The following RIT2 variants were observed in gnomAD, a reference collection of about 807,000 sequenced individuals.
RIT2 encodes the protein Ras like without CAAX 2, also known as GTP-binding protein Rit2.
Under a neutral mutation model 23.7 loss-of-function variants are expected in RIT2, and 24 were observed. The ratio of observed to expected loss-of-function variants is 1.01; its 90% CI spans 0.73 to 1.43. The LOEUF (loss-of-function observed/expected upper bound fraction) is 1.43. Ranked by LOEUF, RIT2 falls within the 40% of genes most tolerant of loss-of-function variation. The pLI, the probability that RIT2 is intolerant of heterozygous loss-of-function variation, is 0.00. For synonymous variants in RIT2, 107 were observed against 91.1 expected, an observed-to-expected ratio of 1.17 and a Z score of -0.99; for missense variants, 236 against 266.9, an observed-to-expected ratio of 0.88 and a Z score of 0.81.
chr18:42,941,708 T>C (rs772208472), intron 3 of RIT2, among the ~76,000 whole-genome samples: 7 of 152,186 alleles, frequency 4.6e-5, no homozygotes, highest in Non-Finnish European at 8.8e-5. Flanking sequence ...TAACATGATA[T>C]ATTTAAGTAG....
At chr18:42,861,275 C>G (rs191614622) in intron 4 of RIT2, among the ~76,000 whole-genome samples, 1 of 152,274 alleles carries the variant, frequency 6.6e-6, no homozygotes, top group East Asian at 1.9e-4. Context: ...GTTTGACTAA[C>G]CTGATGGCAG....
intron 3 of RIT2, among the ~76,000 whole-genome samples, chr18:42,937,009 C>CT (rs1419057162): frequency 7.1e-6 from 1 of 140,752 alleles, no homozygotes; most frequent in Non-Finnish European, 1.5e-5. Context: ...CAAAACTCAA[C>CT]TTAAAAAAAA....
chr18:43,101,707 A>G (rs1406795461), intron 1 of RIT2, among the ~76,000 whole-genome samples: 3 of 152,210 alleles, frequency 2.0e-5, no homozygotes, highest in Non-Finnish European at 4.4e-5. Flanking sequence ...ATGGCAGACC[A>G]CTTGTATTCC....
At chr18:43,062,879 A>G (rs756160421) in intron 1 of RIT2, among the ~76,000 whole-genome samples, 6 of 152,182 alleles carry the variant, frequency 3.9e-5, no homozygotes, top group Non-Finnish European at 8.8e-5. Flanking sequence ...TTCTAACAGA[A>G]ATATGATATG....
chr18:42,795,637 G>A (rs1905326763), intron 4 of RIT2, among the ~76,000 whole-genome samples: 2 of 152,264 alleles, frequency 1.3e-5, no homozygotes. Flanking sequence ...GGACTGGCAG[G>A]CAGCTCCACC....
chr18:43,059,306 T>C (rs1276636599), intron 1 of RIT2, among the ~76,000 whole-genome samples: 1 of 152,130 alleles, frequency 6.6e-6, no homozygotes, highest in Non-Finnish European at 1.5e-5. Flanking sequence ...TTTCAGAAAC[T>C]TTAAATAATT....
chr18:42,877,520 C>CTA (rs144405918), intron 4 of RIT2, among the ~76,000 whole-genome samples: 13,117 of 143,654 alleles, frequency 0.091, 636 homozygotes, highest in African/African-American at 0.12. Context: ...TTTGTATACA[C>CTA]TATATATATA....
At chr18:42,998,396 T>C (rs1332322530) in intron 2 of RIT2, among the ~76,000 whole-genome samples, 1 of 152,146 alleles carries the variant, frequency 6.6e-6, no homozygotes, top group Admixed American at 6.5e-5. Flanking sequence ...TAGTTTTGGC[T>C]ATTCTGTTTG....
intron 4 of RIT2, among the ~76,000 whole-genome samples, chr18:42,821,737 G>T (rs1381661229): frequency 6.6e-6 from 1 of 152,118 alleles, no homozygotes; most frequent in Non-Finnish European, 1.5e-5. Context: ...GTCAGGGAAG[G>T]TTCATGCATT....
intron 1 of RIT2, among the ~76,000 whole-genome samples, chr18:43,042,601 C>A (rs575459862): frequency 1.3e-5 from 2 of 152,332 alleles, no homozygotes; most frequent in South Asian, 2.1e-4. Flanking sequence ...TAAATCAAAA[C>A]CCATTCCTCC....
intron 1 of RIT2, among the ~76,000 whole-genome samples, chr18:43,090,314 C>G (rs943114052): frequency 6.6e-6 from 1 of 152,106 alleles, no homozygotes; most frequent in Non-Finnish European, 1.5e-5. Context: ...ATCAAAATCA[C>G]AATGAGATAC....
chr18:42,897,525 T>A (rs978370823), intron 4 of RIT2, among the ~76,000 whole-genome samples: 1 of 152,294 alleles, frequency 6.6e-6, no homozygotes, highest in African/African-American at 2.4e-5. Flanking sequence ...GAGCAAAAAG[T>A]TGATTTTAGG....
intron 4 of RIT2, among the ~76,000 whole-genome samples, chr18:42,844,228 T>G (rs1419691349): frequency 4.6e-5 from 7 of 152,152 alleles, no homozygotes; most frequent in Non-Finnish European, 8.8e-5. Flanking sequence ...TAATGCTCTC[T>G]TAGCTCCACC....
chr18:42,759,176 T>G (rs550414829), intron 4 of RIT2, among the ~76,000 whole-genome samples: 261 of 152,276 alleles, frequency 1.7e-3, no homozygotes, highest in Middle Eastern at 6.8e-3. Flanking sequence ...AGCTTAAGGG[T>G]CATCTTTCAG....
At chr18:42,873,392 A>C (rs553509848) in intron 4 of RIT2, among the ~76,000 whole-genome samples, 1 of 152,154 alleles carries the variant, frequency 6.6e-6, no homozygotes, top group South Asian at 2.1e-4. Context: ...CTCCGAGTAG[A>C]AAAATGCTGA....
intron 4 of RIT2, among the ~76,000 whole-genome samples, chr18:42,747,642 TAC>T (rs1174978920): frequency 1.3e-5 from 2 of 151,946 alleles, no homozygotes; most frequent in Non-Finnish European, 2.9e-5. Flanking sequence ...ATTGAAACTA[TAC>T]TATAAGGCTG....
intron 4 of RIT2, among the ~76,000 whole-genome samples, chr18:42,814,756 C>T (rs560317957): frequency 4.6e-5 from 7 of 152,238 alleles, no homozygotes; most frequent in African/African-American, 1.7e-4. Flanking sequence ...GGCAGGAGGC[C>T]AACCAGAACA....
At chr18:43,023,954 C>A (rs1911653218) in intron 2 of RIT2, among the ~76,000 whole-genome samples, 2 of 151,990 alleles carry the variant, frequency 1.3e-5, no homozygotes, top group East Asian at 3.9e-4. Flanking sequence ...AAGGAAATAT[C>A]AAGTGCACAG....
At chr18:42,967,835 G>A (rs1254947570) in intron 3 of RIT2, among the ~76,000 whole-genome samples, 1 of 151,506 alleles carries the variant, frequency 6.6e-6, no homozygotes, top group African/African-American at 2.4e-5. Flanking sequence ...AATGGTCCCA[G>A]ACTTACATAT....
Sources: gnomAD v4.1 joint callset for allele counts (sites outside exome capture counted in the v4.1 genomes callset) on GRCh38, gnomAD v4.1.1 for gene constraint, MANE v1.5 for transcripts, NCBI Gene and HGNC (gene_info 2026-07-23, HGNC 2026-07-21) for gene names.